Variants in NUP42 observed in about 807,000 individuals in gnomAD.
NUP42 encodes the protein nucleoporin 42, also known as nucleoporin NUP42.
A neutral mutation model predicts 35.9 loss-of-function variants in NUP42; 47 were observed. The observed-to-expected ratio is 1.31, with a 90% CI of 1.04 to 1.67. The LOEUF (loss-of-function observed/expected upper bound fraction) is 1.67. Among genes scored for constraint, NUP42 ranks in the 40% most tolerant of loss-of-function variants. The pLI, the probability that NUP42 is intolerant of heterozygous loss-of-function variation, is 0.00. For synonymous variants in NUP42, 173 were observed against 173.3 expected, an observed-to-expected ratio of 1.00 and a Z score of 0.01; for missense variants, 514 against 492.2, an observed-to-expected ratio of 1.04 and a Z score of -0.42.
chr7:23,184,080 A>G (rs1019341003), intron 1 of NUP42, among the ~76,000 whole-genome samples: 1 of 152,182 alleles, frequency 6.6e-6, no homozygotes, highest in Non-Finnish European at 1.5e-5. Context: ...GATTTTAAAA[A>G]ACAAAACAAA....
intron 4 of NUP42, 137 bp from the exon 5 acceptor site, chr7:23,196,543 A>ATT (rs1375134997): frequency 1.9e-5 from 12 of 621,510 alleles, no homozygotes; most frequent in Middle Eastern, 4.5e-4. Flanking sequence ...GTCAATGCAA[A>ATT]TTTTGCAAGT....
intron 3 of NUP42, among the ~76,000 whole-genome samples, chr7:23,193,772 T>C (rs1785901540): frequency 6.6e-6 from 1 of 152,264 alleles, no homozygotes; most frequent in Admixed American, 6.5e-5. Flanking sequence ...TGGGTGCCGG[T>C]GGAGCAGGGG....
chr7:23,194,119 C>T (rs752158982), intron 3 of NUP42, among the ~76,000 whole-genome samples: 2 of 152,208 alleles, frequency 1.3e-5, no homozygotes, highest in Non-Finnish European at 2.9e-5. Context: ...CTCCACACCT[C>T]CCTGCAAGCT....
intron 3 of NUP42, chr7:23,188,365 AAAC>A: frequency 8.9e-7 from 1 of 1,118,044 alleles, no homozygotes; most frequent in Non-Finnish European, 1.1e-6. Flanking sequence ...TGAGGGAGGA[AAAC>A]AATAAGTGAT....
chr7:23,196,576 T>C (rs1786018064), intron 4 of NUP42, 104 bp from the exon 5 acceptor site: 1 of 837,554 alleles, frequency 1.2e-6, no homozygotes, highest in Admixed American at 2.4e-5. Flanking sequence ...AACTGTTACA[T>C]AAACCTTTTG....
intron 3 of NUP42, chr7:23,188,716 C>CTAA: frequency 1.1e-5 from 3 of 274,148 alleles, no homozygotes; most frequent in Non-Finnish European, 1.7e-5. Context: ...TTTTTATTTG[C>CTAA]TAAGTCTGGC....
intron 3 of NUP42, among the ~76,000 whole-genome samples, chr7:23,194,177 G>A (rs1008852890): frequency 6.6e-6 from 1 of 152,258 alleles, no homozygotes; most frequent in Non-Finnish European, 1.5e-5. Context: ...GGCTCCCACA[G>A]TGCAGCGGTG....
At position 23,200,678 on chromosome 7, in the gene NUP42, A is replaced by C; in HGVS notation, c.1205A>C (p.Gln402Pro). 1 of 1,611,422 alleles carries C rather than the reference A, an allele frequency of 6.2e-7. No individual in the cohort carries two copies. The highest frequency in any genetic ancestry group is 8.5e-7 in the Non-Finnish European group (1 of 1,179,020). The stretch of plus-strand genomic sequence containing the variant: ...ACAGTAGAAGAACTGGAACAATTTC[A>C]ATCCAAGAAATTTACTCTGGGAAAA... ...KLTVEELEQF[Q>P]SKKFTLGKIP... Residue 402 changes from glutamine to proline, a missense_variant, in exon 7 of 7, where the codon CAA (glutamine) becomes CCA (proline). Gln to Pro is a moderately conservative substitution (Grantham distance 76). Transcript: ENST00000258742.
At chr7:23,187,941 T>TGGGTGG in intron 3 of NUP42, 1 of 444,290 alleles carries the variant, frequency 2.3e-6, no homozygotes, top group Non-Finnish European at 3.9e-6. Context: ...TCTCTGTCTC[T>TGGGTGG]CTCTCTCTCT....
chr7:23,194,029 C>G (rs889881340), intron 3 of NUP42, among the ~76,000 whole-genome samples: 1 of 152,252 alleles, frequency 6.6e-6, no homozygotes, highest in Non-Finnish European at 1.5e-5. Flanking sequence ...AGTGTGGGGC[C>G]CACCAAGCCC....
intron 2 of NUP42, 104 bp downstream of exon 2, chr7:23,185,402 AT>A: frequency 1.3e-6 from 1 of 787,298 alleles, no homozygotes; most frequent in East Asian, 2.7e-5. Flanking sequence ...ACAATACAAT[AT>A]TTTCTTTAAA....
intron 2 of NUP42, 130 bp from the exon 3 acceptor site, chr7:23,186,922 C>G (rs2128472793): frequency 1.6e-6 from 1 of 606,862 alleles, no homozygotes; most frequent in East Asian, 2.8e-5. Flanking sequence ...TTAAAGAACA[C>G]TCTTCAGAAA....
chr7:23,190,104 A>G (rs1056814425), intron 3 of NUP42, among the ~76,000 whole-genome samples: 2 of 152,240 alleles, frequency 1.3e-5, no homozygotes, highest in African/African-American at 2.4e-5. Context: ...AAAGTTCATT[A>G]GTATGGCTTG....
At chr7:23,192,641 C>T (rs752548886) in intron 3 of NUP42, among the ~76,000 whole-genome samples, 39 of 151,766 alleles carry the variant, frequency 2.6e-4, no homozygotes, top group Non-Finnish European at 3.8e-4. Flanking sequence ...AAGTCTTCAT[C>T]CTTATTGTCT....
chr7:23,184,694 T>G (rs770343693), intron 1 of NUP42, among the ~76,000 whole-genome samples: 1 of 152,198 alleles, frequency 6.6e-6, no homozygotes, highest in Non-Finnish European at 1.5e-5. Flanking sequence ...TAAGATATAA[T>G]GAAGATTTTT....
chr7:23,199,678 T>C, intron 6 of NUP42, 136 bp downstream of exon 6: 1 of 734,754 alleles, frequency 1.4e-6, no homozygotes, highest in Non-Finnish European at 2.3e-6. Flanking sequence ...CCTCAAAGCA[T>C]TTGACTCATT....
At chr7:23,183,438 C>T (rs1195322357) in intron 1 of NUP42, among the ~76,000 whole-genome samples, 1 of 152,084 alleles carries the variant, frequency 6.6e-6, no homozygotes, top group African/African-American at 2.4e-5. Flanking sequence ...CCATACCGGT[C>T]TCGAACTCGT....
rs763085772 is a variant in NUP42, at chr7:23,187,054, A to C, written c.353A>C (p.Glu118Ala). 6.4e-7 allele frequency: 1 copy of C among 1,556,452 alleles called. No homozygotes were observed. Among genetic ancestry groups the C allele is most frequent in the East Asian group, 2.3e-5 (1 of 44,156 alleles). Residue 118 changes from glutamate to alanine, a missense_variant and splice_region_variant, in exon 3 of 7, where the codon GAA becomes GCA. Glu to Ala is a moderately radical substitution (Grantham distance 107). Coordinates refer to ENST00000258742, the MANE Select transcript of NUP42 (RefSeq NM_007342.3). ...TTTTTTTTTTTTCTTTTTTGCAGGGAAGGAATTGTAAAAGATATGGAGGTT... is the reference window on the plus strand; with the variant it reads ...TTTTTTTTTTTTCTTTTTTGCAGGGCAGGAATTGTAAAAGATATGGAGGTT... ...DEQKDEKKLL[E>A]GIVKDMEVWE...
chr7:23,186,073 G>T (rs1785585190), intron 2 of NUP42, among the ~76,000 whole-genome samples: 1 of 152,150 alleles, frequency 6.6e-6, no homozygotes, highest in Admixed American at 6.6e-5. Context: ...CTTTTACTTG[G>T]ATTATCCTAT....
Sources: allele counts gnomAD v4.1 joint callset (sites outside exome capture counted in the v4.1 genomes callset), GRCh38; gene constraint gnomAD v4.1.1; transcripts MANE v1.5; gene names NCBI Gene and HGNC (gene_info 2026-07-23, HGNC 2026-07-21).